The following ZHX2 variants were observed in gnomAD, a reference collection of about 807,000 sequenced individuals.
ZHX2 encodes the protein zinc fingers and homeoboxes protein 2.
ZHX2 carries 6 observed loss-of-function variants against 21.9 expected under a neutral mutation model. The observed-to-expected ratio is 0.27, with a 90% CI of 0.15 to 0.54. The LOEUF is 0.54. Among genes scored for constraint, ZHX2 ranks in the 20% least tolerant of loss-of-function variants. ZHX2 has a pLI of 0.95. For synonymous variants in ZHX2, 434 were observed against 437.1 expected (o/e 0.99, Z 0.09); for missense variants, 908 against 1,090.7 (o/e 0.83, Z 2.36).
intron 2 of ZHX2, among the ~76,000 whole-genome samples, chr8:122,948,610 C>T (rs1256203349): frequency 6.6e-6 from 1 of 152,076 alleles, no homozygotes; most frequent in Non-Finnish European, 1.5e-5. Flanking sequence ...CTTTTAGAAG[C>T]AAGGCATAAG....
rs558301733 is a variant in ZHX2, at chr8:122,870,686, G to A, written c.-220+7147G>A. The stretch of plus-strand genomic sequence containing the variant: ...AAAAAAGAAAGAGAAAGATGAACTG[G>A]TCAGAGTGCAGATGGCACTGCAGGT... On this transcript the variant is annotated intron_variant, in intron 2 of 3. Transcript: ENST00000314393. Among the ~76,000 whole-genome samples the A allele has an allele frequency of 2.7e-5, 4 of 150,210 alleles. 1 individual carries two copies. In the South Asian group the frequency reaches 8.5e-4, roughly 32 times the overall value.
intron 1 of ZHX2, among the ~76,000 whole-genome samples, chr8:122,820,094 A>T (rs576021534): frequency 5.3e-4 from 80 of 152,218 alleles, no homozygotes; most frequent in Non-Finnish European, 9.4e-4. Flanking sequence ...GGGGTGATCT[A>T]ATGTTTGATA....
chr8:122,831,038 A>T (rs1818362964), intron 1 of ZHX2, among the ~76,000 whole-genome samples: 1 of 152,174 alleles, frequency 6.6e-6, no homozygotes, highest in Admixed American at 6.5e-5. Flanking sequence ...AATTTAGCTG[A>T]TGAAGGCGGG....
intron 1 of ZHX2, among the ~76,000 whole-genome samples, chr8:122,843,317 G>A (rs1440999175): frequency 1.3e-5 from 2 of 152,174 alleles, no homozygotes; most frequent in African/African-American, 2.4e-5. Context: ...AATGTGATCA[G>A]GACTTTCTAG....
rs1327000333 is a variant in ZHX2 at position 122,953,461 on chromosome 8, C to G, written c.1951C>G (p.Gln651Glu). The G allele has an allele frequency of 6.2e-7, 1 of 1,614,188 alleles. No homozygotes were observed. The highest frequency in any genetic ancestry group is 8.5e-7 in the Non-Finnish European group (1 of 1,180,048). ...CCTGAGGAGCACGTTTGCAAGAACC[C>G]AGTGGCCTACTCCCCAGGAGTACGA... is the stretch of plus-strand genomic sequence containing the variant. Reference protein sequence around the residue: ...HLLRSTFARTQWPTPQEYDQL... With the variant: ...HLLRSTFARTEWPTPQEYDQL... Residue 651 changes from glutamine to glutamate, a missense_variant, in exon 3 of 4, where the codon CAG becomes GAG. Physicochemically the swap from Gln to Glu is conservative, Grantham distance 29 (BLOSUM62 2). Transcript: ENST00000314393. The surrounding 1 kb of genome is among the most constrained non-coding windows in gnomAD (Gnocchi z 4.6).
At chr8:122,834,816 T>A (rs140509136) in intron 1 of ZHX2, among the ~76,000 whole-genome samples, 1 of 152,192 alleles carries the variant, frequency 6.6e-6, no homozygotes, top group East Asian at 1.9e-4. Context: ...GGACCTTGGG[T>A]GATTTCTGAA....
chr8:122,846,387 G>C (rs1818751789), intron 1 of ZHX2, among the ~76,000 whole-genome samples: 1 of 152,174 alleles, frequency 6.6e-6, no homozygotes, highest in African/African-American at 2.4e-5. Context: ...TCTGTGAACT[G>C]AGTGAGCTAG....
chr8:122,809,953 G>T (rs1817894001), intron 1 of ZHX2, among the ~76,000 whole-genome samples: 1 of 152,134 alleles, frequency 6.6e-6, no homozygotes, highest in Non-Finnish European at 1.5e-5. Context: ...GGTAGGGGGG[G>T]TGGAGGGCTA....
chr8:122,889,339 T>C (rs1299365841), intron 2 of ZHX2, among the ~76,000 whole-genome samples: 1 of 152,234 alleles, frequency 6.6e-6, no homozygotes, highest in African/African-American at 2.4e-5. Flanking sequence ...TTTACATTCC[T>C]ACCAACAGTG....
intron 1 of ZHX2, among the ~76,000 whole-genome samples, chr8:122,806,943 C>T (rs1054335211): frequency 6.6e-6 from 1 of 152,148 alleles, no homozygotes; most frequent in Non-Finnish European, 1.5e-5. Flanking sequence ...ATAACCAGAC[C>T]TCCCATCCTT....
At chr8:122,847,400 C>T (rs559919568) in intron 1 of ZHX2, among the ~76,000 whole-genome samples, 2 of 152,342 alleles carry the variant, frequency 1.3e-5, no homozygotes, top group South Asian at 4.1e-4. Context: ...CAGTCCTCCA[C>T]CCAGTGACCT....
chr8:122,946,985 G>T (rs527766846), intron 2 of ZHX2, among the ~76,000 whole-genome samples: 2 of 151,124 alleles, frequency 1.3e-5, no homozygotes, highest in South Asian at 4.2e-4. Flanking sequence ...GCTGGGTGTG[G>T]TGGCTCACAC....
chr8:122,813,668 T>A (rs182055222), intron 1 of ZHX2, among the ~76,000 whole-genome samples: 4 of 152,338 alleles, frequency 2.6e-5, no homozygotes, highest in Admixed American at 2.0e-4. Context: ...GATTTTTTTT[T>A]AATTTTGGGA....
intron 3 of ZHX2, among the ~76,000 whole-genome samples, chr8:122,968,593 C>T (rs2130372546): frequency 6.6e-6 from 1 of 152,260 alleles, no homozygotes; most frequent in Non-Finnish European, 1.5e-5. Context: ...AATCGCAGCA[C>T]TTTGGGAGGC....
chr8:122,882,969 G>T (rs1336269024), intron 2 of ZHX2, among the ~76,000 whole-genome samples: 1 of 152,044 alleles, frequency 6.6e-6, no homozygotes, highest in Non-Finnish European at 1.5e-5. Flanking sequence ...GTGGCAGAGT[G>T]AGACTCTGTC....
chr8:122,808,570 A>T (rs1297182258), intron 1 of ZHX2, among the ~76,000 whole-genome samples: 1 of 152,232 alleles, frequency 6.6e-6, no homozygotes, highest in Non-Finnish European at 1.5e-5. Context: ...TGTGGGAATT[A>T]TGGAAACTAC....
intron 2 of ZHX2, among the ~76,000 whole-genome samples, chr8:122,933,327 A>T (rs1399838695): frequency 2.6e-5 from 4 of 152,242 alleles, no homozygotes; most frequent in Non-Finnish European, 5.9e-5. Context: ...GCAGAATTTG[A>T]TGGATTGTAA....
intron 1 of ZHX2, among the ~76,000 whole-genome samples, chr8:122,787,177 A>G (rs542124151): frequency 1.4e-4 from 22 of 152,058 alleles, no homozygotes; most frequent in Non-Finnish European, 2.6e-4. Context: ...CCCAAACTTT[A>G]AAATGGAATA....
At chr8:122,972,737 G>A (rs1813757239) in intron 3 of ZHX2, among the ~76,000 whole-genome samples, 1 of 152,086 alleles carries the variant, frequency 6.6e-6, no homozygotes, top group Non-Finnish European at 1.5e-5. Context: ...TGGCATCATC[G>A]CAGCAACTTT....
Sources: allele counts gnomAD v4.1 joint callset (sites outside exome capture counted in the v4.1 genomes callset), GRCh38; gene constraint gnomAD v4.1.1; non-coding constraint Gnocchi (gnomAD v3.1); transcripts MANE v1.5; gene names NCBI Gene and HGNC (gene_info 2026-07-23, HGNC 2026-07-21).